ZNF236: variants seen among roughly 807,000 people sequenced by gnomAD.
The protein encoded by ZNF236 is zinc finger protein 236, also known as regulated by glucose.
A neutral mutation model predicts 191.2 loss-of-function variants in ZNF236; 50 were observed. That is an observed-to-expected ratio of 0.26 (90% CI 0.21 to 0.33). The LOEUF (loss-of-function observed/expected upper bound fraction) is 0.33, where lower values mean the gene tolerates loss of function less well. Among genes scored for constraint, ZNF236 ranks in the 10% least tolerant of loss-of-function variants. The pLI, the probability that ZNF236 is intolerant of heterozygous loss-of-function variation, is 1.00. For synonymous variants in ZNF236, 907 were observed against 928.8 expected (o/e 0.98, Z 0.43); for missense variants, 1,754 against 2,374.5 (o/e 0.74, Z 5.43).
chr18:76,960,684 C>T lies in ZNF236; in HGVS notation c.5248C>T (p.Arg1750Trp), dbSNP rs749152544. The T allele has an allele frequency of 6.8e-6, 11 of 1,614,162 alleles. No homozygotes were observed. Among genetic ancestry groups the T allele is most frequent in the Admixed American group, 1.7e-5 (1 of 60,020 alleles). ...ATATGCCATTTTCTGTACAGGGGAG[C>T]GGCCGTTCCATTGCACGCTTTGTGA... ...ERHSRIHTGE[R>W]PFHCTLCEKA... The change falls in exon 30 of 31, where the codon CGG becomes TGG. Residue 1750 changes from arginine (R) to tryptophan (W), a missense_variant. Around this residue, in one of 5 missense-constraint regions of ZNF236, gnomAD observed 606 missense variants for 761.5 expected, o/e 0.80. Transcript: ENST00000320610. The surrounding 1 kb of genome is among the most constrained non-coding windows in gnomAD (Gnocchi z 4.4).
At position 76,928,044 on chromosome 18, in the gene ZNF236, C is replaced by G; in HGVS notation, c.4532C>G (p.Ala1511Gly). ...NSSLSQVLAQ[A>G]AGPTATSSSG... ...AGCCTGAGCCAGGTCCTGGCACAGG[C>G]CGCTGGGCCCACTGCCACGTCTTCC... is the stretch of plus-strand genomic sequence containing the variant. The change falls in exon 25 of 31, where the codon GCC (alanine) becomes GGC (glycine). Residue 1511 changes from alanine (A) to glycine (G), a missense_variant. By Grantham distance (60) the Ala-to-Gly change is moderately conservative (BLOSUM62 0). Coordinates refer to ENST00000320610, the MANE Select transcript of ZNF236 (RefSeq NM_001306089.2). 6.2e-7 allele frequency: 1 copy of G among 1,613,956 alleles called. No homozygotes were observed.
chr18:76,968,919 A>C lies in ZNF236; in HGVS notation c.*580A>C, dbSNP rs941647177. The C allele has an allele frequency of 2.9e-5, 28 of 968,824 alleles. No individual in the cohort carries two copies. In the African/African-American group the frequency reaches 4.8e-4, roughly 16 times the overall value. 60.0% of individuals were successfully genotyped at this position (968,824 alleles called of 1,614,324 possible). A position where few individuals can be genotyped will look rare whatever the true frequency, so the allele number is the denominator to read the frequency against. On this transcript the variant is annotated 3_prime_UTR_variant, in exon 31 of 31. Coordinates refer to ENST00000320610, the MANE Select transcript of ZNF236 (RefSeq NM_001306089.2). Reference sequence around the variant, plus strand: ...TGATACCTTGAGAGATGGCTGGACCAATTCTCTCCATGACAAATGTTTAAT... The same window carrying C: ...TGATACCTTGAGAGATGGCTGGACCCATTCTCTCCATGACAAATGTTTAAT...
chr18:76,910,238 C>A (rs1369889235), intron 15 of ZNF236, 69 bp downstream of exon 15: 3 of 1,339,824 alleles, frequency 2.2e-6, no homozygotes, highest in South Asian at 1.2e-5. Context: ...CTCATGACAA[C>A]CTTACATGTT....
intron 27 of ZNF236, among the ~76,000 whole-genome samples, chr18:76,954,371 C>T (rs1417341684): frequency 1.3e-5 from 2 of 152,154 alleles, no homozygotes; most frequent in Admixed American, 1.3e-4. Context: ...GTAGATGCTT[C>T]GTAATACTGA....
chr18:76,861,485 G>T (rs1468123921), intron 3 of ZNF236, among the ~76,000 whole-genome samples: 1 of 152,232 alleles, frequency 6.6e-6, no homozygotes, highest in Non-Finnish European at 1.5e-5. Flanking sequence ...TTGATTAGCT[G>T]TATGCTCAGC....
chr18:76,953,353 A>G (rs1166890107), intron 27 of ZNF236, among the ~76,000 whole-genome samples: 2 of 152,172 alleles, frequency 1.3e-5, no homozygotes, highest in Non-Finnish European at 2.9e-5. Flanking sequence ...TGCAGGAGAA[A>G]AGAGCCGACA....
intron 1 of ZNF236, among the ~76,000 whole-genome samples, chr18:76,835,883 C>G (rs1461803560): frequency 6.6e-6 from 1 of 151,988 alleles, no homozygotes; most frequent in Non-Finnish European, 1.5e-5. Context: ...TCATTTATAC[C>G]TCTCCATCCA....
chr18:76,919,991 G>A lies in ZNF236; in HGVS notation c.3490G>A (p.Glu1164Lys), dbSNP rs1967488357. The part of the protein sequence containing the change: ...LRDKQAELQD[E>K]PKHANCCTYC... The stretch of plus-strand genomic sequence containing the variant: ...GGACAAGCAGGCGGAGCTGCAGGAC[G>A]AGCCCAAGCACGCCAACTGCTGCAC... Residue 1164 changes from glutamate (E) to lysine (K), a missense_variant, in exon 20 of 31, where the codon GAG (glutamate) becomes AAG (lysine). Coordinates refer to ENST00000320610, the MANE Select transcript of ZNF236 (RefSeq NM_001306089.2). This position sits in a 1 kb window ranked among gnomAD's most constrained non-coding sequence, Gnocchi z 5.3. 5.0e-6 allele frequency: 8 copies of A among 1,613,664 alleles called. No individual in the cohort carries two copies. Among genetic ancestry groups the A allele is most frequent in the Non-Finnish European group, 6.8e-6 (8 of 1,180,006 alleles).
At chr18:76,871,551 C>A in intron 4 of ZNF236, 150 bp from the exon 5 acceptor site, 2 of 785,014 alleles carry the variant, frequency 2.5e-6, no homozygotes, top group Non-Finnish European at 4.1e-6. Flanking sequence ...AACACATATA[C>A]ACACAGACAC....
At chr18:76,920,816 C>G (rs1425910761) in intron 20 of ZNF236, among the ~76,000 whole-genome samples, 1 of 152,072 alleles carries the variant, frequency 6.6e-6, no homozygotes, top group Non-Finnish European at 1.5e-5. Context: ...TCGAGTTGAG[C>G]AGAACCATGA....
chr18:76,886,333 T>G (rs1300022999), intron 9 of ZNF236: 1 of 152,646 alleles, frequency 6.6e-6, no homozygotes, highest in Admixed American at 6.5e-5. Flanking sequence ...CCCCCTGTGA[T>G]CTAAGAAAGC....
At chr18:76,923,197 A>G (rs1253201774) in intron 21 of ZNF236, 23 bp downstream of exon 21, 12 of 1,475,738 alleles carry the variant, frequency 8.1e-6, no homozygotes, top group Non-Finnish European at 1.0e-5. Flanking sequence ...TGCCTGCGTC[A>G]TTGGTAGAGG....
chr18:76,843,557 CACGAG>C (rs1975576845), intron 1 of ZNF236, among the ~76,000 whole-genome samples: 1 of 139,998 alleles, frequency 7.1e-6, no homozygotes, highest in Non-Finnish European at 1.6e-5. Context: ...GTGGGCGGAT[CACGAG>C]GTCAGGAGTT....
At chr18:76,839,540 A>G (rs905441504) in intron 1 of ZNF236, among the ~76,000 whole-genome samples, 2 of 152,218 alleles carry the variant, frequency 1.3e-5, no homozygotes, top group Non-Finnish European at 2.9e-5. Context: ...TTGGGTGAAG[A>G]ATCAGGCTGA....
chr18:76,958,995 G>A (rs1270315720), intron 28 of ZNF236, among the ~76,000 whole-genome samples: 1 of 152,214 alleles, frequency 6.6e-6, no homozygotes. Context: ...CTGCAATTTT[G>A]GAAAATAACC....
intron 27 of ZNF236, among the ~76,000 whole-genome samples, 184 bp downstream of exon 27, chr18:76,947,836 G>A (rs572249682): frequency 6.6e-6 from 1 of 152,180 alleles, no homozygotes; most frequent in South Asian, 2.1e-4. Flanking sequence ...TTGAATGACA[G>A]GTACGATATC....
intron 3 of ZNF236, among the ~76,000 whole-genome samples, chr18:76,861,029 AGTT>A (rs146878567): frequency 0.018 from 2,816 of 152,300 alleles, 32 homozygotes; most frequent in Middle Eastern, 0.024. Flanking sequence ...GGGTTCTGGA[AGTT>A]GGGCTGTCAC....
chr18:76,916,048 G>A (rs1967354366), intron 19 of ZNF236, among the ~76,000 whole-genome samples, 189 bp downstream of exon 19: 1 of 152,224 alleles, frequency 6.6e-6, no homozygotes, highest in African/African-American at 2.4e-5. Context: ...ATTCAGAGGT[G>A]CAATGAAGAA....
At chr18:76,950,059 TG>T (rs1968366834) in intron 27 of ZNF236, among the ~76,000 whole-genome samples, 1 of 152,176 alleles carries the variant, frequency 6.6e-6, no homozygotes, top group Non-Finnish European at 1.5e-5. Flanking sequence ...GTAATCTTTT[TG>T]CTGGTTGAGG....
Sources: allele counts gnomAD v4.1 joint callset (sites outside exome capture counted in the v4.1 genomes callset), GRCh38; gene constraint gnomAD v4.1.1; regional missense constraint gnomAD v4.1.1; non-coding constraint Gnocchi (gnomAD v3.1); transcripts MANE v1.5; gene names NCBI Gene and HGNC (gene_info 2026-07-23, HGNC 2026-07-21).